Variants in B3GALT1 observed in about 807,000 individuals in gnomAD.
B3GALT1 encodes UDP-Gal:betaGlcNAc beta 1,3-galactosyltransferase, polypeptide 1.
Under a neutral mutation model 23.2 loss-of-function variants are expected in B3GALT1, and 10 were observed. The ratio of observed to expected loss-of-function variants is 0.43; its 90% confidence interval spans 0.27 to 0.73. B3GALT1 has a LOEUF of 0.73. Ranked by LOEUF, B3GALT1 falls within the 30% of genes least tolerant of loss-of-function variation. The pLI is 0.21. For missense variants in B3GALT1, 299 were observed against 405.4 expected (o/e 0.74, Z 2.25); for synonymous variants, 156 against 141.5 (o/e 1.10, Z -0.73).
At chr2:167,836,268 A>G (rs978904116) in intron 4 of B3GALT1, among the ~76,000 whole-genome samples, 2 of 152,156 alleles carry the variant, frequency 1.3e-5, no homozygotes, top group African/African-American at 4.8e-5. Flanking sequence ...CAAAGAAGTT[A>G]AAAACTTTGA....
chr2:167,670,888 C>G (rs2122084), intron 3 of B3GALT1, among the ~76,000 whole-genome samples: 147,255 of 152,264 alleles, frequency 0.97, 71,299 homozygotes, highest in Middle Eastern at 1. Context: ...AAAGCTTCTG[C>G]GATTTTAGGA....
At chr2:167,714,547 A>G in intron 3 of B3GALT1, 3 of 1,613,142 alleles carry the variant, frequency 1.9e-6, no homozygotes, top group Non-Finnish European at 2.5e-6. Flanking sequence ...TATTTGAAAC[A>G]TCAAGTGCAT....
intron 1 of B3GALT1, among the ~76,000 whole-genome samples, chr2:167,450,122 G>T (rs1223694671): frequency 6.6e-6 from 1 of 152,120 alleles, no homozygotes; most frequent in African/African-American, 2.4e-5. Flanking sequence ...GATTTAGGGA[G>T]AATTCCTTCT....
chr2:167,745,058 C>A (rs765842488), intron 3 of B3GALT1, among the ~76,000 whole-genome samples: 4 of 148,904 alleles, frequency 2.7e-5, no homozygotes, highest in Non-Finnish European at 6.0e-5. Context: ...CTTTTTTTTT[C>A]TCTTTTTGTC....
At chr2:167,748,320 G>A (rs779417155) in intron 3 of B3GALT1, among the ~76,000 whole-genome samples, 5 of 152,008 alleles carry the variant, frequency 3.3e-5, no homozygotes, top group South Asian at 2.1e-4. Context: ...GTTATCCACC[G>A]AGATGAGCGA....
chr2:167,690,512 C>T (rs547421247), intron 3 of B3GALT1, among the ~76,000 whole-genome samples: 4 of 152,128 alleles, frequency 2.6e-5, no homozygotes, highest in African/African-American at 7.2e-5. Flanking sequence ...TTTTCTATTA[C>T]AAGAAAGTCT....
chr2:167,476,923 A>G (rs1017449242), intron 1 of B3GALT1, among the ~76,000 whole-genome samples: 4 of 152,236 alleles, frequency 2.6e-5, no homozygotes, highest in African/African-American at 7.2e-5. Flanking sequence ...CCTCTCTTAA[A>G]TAAGTATTGA....
intron 3 of B3GALT1, among the ~76,000 whole-genome samples, chr2:167,703,988 T>G (rs1346131316): frequency 1.3e-5 from 2 of 152,008 alleles, no homozygotes; most frequent in Non-Finnish European, 2.9e-5. Context: ...AAGACCTTCC[T>G]GGCTAACACG....
At chr2:167,671,145 G>A (rs1011849431) in intron 3 of B3GALT1, among the ~76,000 whole-genome samples, 1 of 152,034 alleles carries the variant, frequency 6.6e-6, no homozygotes, top group Non-Finnish European at 1.5e-5. Context: ...CCAATGTTGG[G>A]ACACCTAAAT....
At chr2:167,673,970 G>T (rs1686380252) in intron 3 of B3GALT1, among the ~76,000 whole-genome samples, 1 of 151,950 alleles carries the variant, frequency 6.6e-6, no homozygotes, top group African/African-American at 2.4e-5. Context: ...TAGATCATTT[G>T]GAAGTTATAT....
At chr2:167,603,706 T>C (rs921230825) in intron 2 of B3GALT1, among the ~76,000 whole-genome samples, 6 of 152,178 alleles carry the variant, frequency 3.9e-5, no homozygotes, top group African/African-American at 1.4e-4. Context: ...GATTCTTACC[T>C]TTTTGGCTTT....
rs1427930126 is a variant in B3GALT1, at chr2:167,871,435, T to G, written c.*1415T>G. On this transcript the variant is annotated 3_prime_UTR_variant, in exon 5 of 5. Transcript: ENST00000392690. ...AATATAAAATCTGCTGAAATAAAGA[T>G]CAGCTGTGAACTATCACTGCACCTA... 1 of 152,196 alleles carries G rather than the reference T, an allele frequency of 6.6e-6. No homozygotes were observed. Among genetic ancestry groups the G allele is most frequent in the East Asian group, 1.9e-4 (1 of 5,200 alleles). 9.4% of individuals were successfully genotyped at this position (152,196 alleles called of 1,614,324 possible). A position where few individuals can be genotyped will look rare whatever the true frequency, so the allele number is the denominator to read the frequency against.
rs1163109125 is a variant in B3GALT1 at position 167,873,603 on chromosome 2, G to A, written c.*3583G>A. ...CATTTCTTCTGTAAAGGTGAAAATC[G>A]TTTTTATAAACAACAAAGTAACTTG... On this transcript the variant is annotated 3_prime_UTR_variant, in exon 5 of 5. Transcript: ENST00000392690. 6.6e-6 allele frequency: 1 copy of A among 152,086 alleles called. No individual in the cohort carries two copies. Among genetic ancestry groups the A allele is most frequent in the Admixed American group, 6.6e-5 (1 of 15,256 alleles). 9.4% of individuals were successfully genotyped at this position (152,086 alleles called of 1,614,324 possible).
intron 3 of B3GALT1, among the ~76,000 whole-genome samples, chr2:167,750,147 T>G (rs1022963142): frequency 1.3e-5 from 2 of 152,224 alleles, no homozygotes; most frequent in Non-Finnish European, 2.9e-5. Flanking sequence ...CAGGTTCAAT[T>G]TAGCAAATAA....
chr2:167,551,439 T>G (rs1297485149), intron 2 of B3GALT1, among the ~76,000 whole-genome samples: 1 of 152,160 alleles, frequency 6.6e-6, no homozygotes, highest in Non-Finnish European at 1.5e-5. Flanking sequence ...AGGTACCCAG[T>G]AGAGGACTCT....
intron 3 of B3GALT1, among the ~76,000 whole-genome samples, chr2:167,765,590 T>G (rs914753016): frequency 6.6e-6 from 1 of 152,224 alleles, no homozygotes; most frequent in Non-Finnish European, 1.5e-5. Flanking sequence ...ATTGGCCAAA[T>G]GAACATTATT....
intron 2 of B3GALT1, among the ~76,000 whole-genome samples, chr2:167,526,175 CAG>C (rs1335297400): frequency 1.3e-5 from 2 of 151,806 alleles, no homozygotes; most frequent in African/African-American, 4.8e-5. Flanking sequence ...TGTTAGTGCA[CAG>C]AGTTAGGTAA....
intron 3 of B3GALT1, among the ~76,000 whole-genome samples, chr2:167,703,254 C>A (rs1195642615): frequency 6.6e-6 from 1 of 152,178 alleles, no homozygotes; most frequent in Non-Finnish European, 1.5e-5. Flanking sequence ...GGTTGTCATA[C>A]ATGAACAGCC....
At chr2:167,368,276 C>T (rs1046688315) in intron 1 of B3GALT1, among the ~76,000 whole-genome samples, 22 of 152,120 alleles carry the variant, frequency 1.4e-4, no homozygotes, top group Non-Finnish European at 1.5e-4. Context: ...GAATTTATCC[C>T]AATTTTTTTA....
Sources: allele counts gnomAD v4.1 joint callset (sites outside exome capture counted in the v4.1 genomes callset), GRCh38; gene constraint gnomAD v4.1.1; transcripts MANE v1.5; gene names NCBI Gene and HGNC (gene_info 2026-07-23, HGNC 2026-07-21).